The following UVRAG variants were observed in gnomAD, a reference collection of about 807,000 sequenced individuals.
The protein encoded by UVRAG is UV radiation resistance associated.
In UVRAG, 19 loss-of-function variants were observed where a neutral mutation model predicts 78.0. The observed-to-expected ratio is 0.24, with a 90% CI of 0.17 to 0.36. The LOEUF (loss-of-function observed/expected upper bound fraction) is 0.36, where lower values mean the gene tolerates loss of function less well. Among genes scored for constraint, UVRAG ranks in the 10% least tolerant of loss-of-function variants. The probability of loss-of-function intolerance (pLI) is 1.00; values close to 1 mark genes in which losing one functional copy is unlikely to be tolerated. For synonymous variants in UVRAG, 323 were observed against 324.6 expected, an observed-to-expected ratio of 1.00 and a Z score of 0.05; for missense variants, 740 against 853.8, an observed-to-expected ratio of 0.87 and a Z score of 1.66.
chr11:75,892,539 A>G (rs776409671), intron 5 of UVRAG: 19 of 444,542 alleles, frequency 4.3e-5, no homozygotes, highest in Non-Finnish European at 5.7e-5. Context: ...CAGAGAACTT[A>G]AGTAACTTTC....
intron 7 of UVRAG, among the ~76,000 whole-genome samples, chr11:75,978,009 G>A (rs1193080250): frequency 4.6e-5 from 7 of 152,098 alleles, no homozygotes; most frequent in Non-Finnish European, 7.3e-5. Context: ...GGCTGGTACC[G>A]GTTGTTCTTT....
At chr11:75,969,131 C>CT (rs1421218090) in intron 7 of UVRAG, among the ~76,000 whole-genome samples, 1 of 152,168 alleles carries the variant, frequency 6.6e-6, no homozygotes, top group African/African-American at 2.4e-5. Context: ...GCATTAAACA[C>CT]TAACTCCTCG....
intron 3 of UVRAG, among the ~76,000 whole-genome samples, chr11:75,872,021 T>A (rs560287401): frequency 6.6e-6 from 1 of 152,278 alleles, no homozygotes; most frequent in African/African-American, 2.4e-5. Flanking sequence ...AGTATTGGAG[T>A]CTTTTTAAAA....
intron 13 of UVRAG, among the ~76,000 whole-genome samples, chr11:76,092,065 A>G (rs1254421965): frequency 1.3e-5 from 2 of 150,870 alleles, no homozygotes; most frequent in African/African-American, 2.4e-5. Context: ...ATTCCCACCT[A>G]TGAGTGAGAA....
intron 12 of UVRAG, among the ~76,000 whole-genome samples, chr11:76,051,131 G>T (rs1388328589): frequency 1.3e-5 from 2 of 152,188 alleles, no homozygotes; most frequent in African/African-American, 4.8e-5. Context: ...ACATTGTGAA[G>T]TGTTGTCTTT....
chr11:75,839,280 T>C (rs936755812), intron 1 of UVRAG, among the ~76,000 whole-genome samples: 2 of 152,104 alleles, frequency 1.3e-5, no homozygotes, highest in African/African-American at 4.8e-5. Flanking sequence ...CCTTTGACTC[T>C]GCATAAGGTA....
At chr11:75,845,897 G>A (rs1349479066) in intron 1 of UVRAG, among the ~76,000 whole-genome samples, 1 of 152,016 alleles carries the variant, frequency 6.6e-6, no homozygotes, top group African/African-American at 2.4e-5. Flanking sequence ...AGGAAGTTAT[G>A]TCACAGACAT....
At position 75,848,973 on chromosome 11, in the gene UVRAG, G is replaced by A. The variant is rs537193056; in HGVS notation, c.118-2910G>A. Among the ~76,000 whole-genome samples the A allele has an allele frequency of 2.0e-5, 3 of 152,154 alleles. No homozygotes were observed. The East Asian group carries it at 5.8e-4, about 29-fold the overall frequency. On this transcript the variant is annotated intron_variant, in intron 1 of 14. Transcript: ENST00000356136. ...GCAGGTCGATCACCTGAGGTCAGGAGTTCGAGACCAGCCTGGCCAACATGG... is the reference window on the plus strand; with the variant it reads ...GCAGGTCGATCACCTGAGGTCAGGAATTCGAGACCAGCCTGGCCAACATGG...
At position 76,044,706 on chromosome 11, in the gene UVRAG, G is replaced by A. The variant is rs535523927; in HGVS notation, c.1227-21004G>A. On this transcript the variant is annotated intron_variant, in intron 12 of 14. Transcript: ENST00000356136. Reference sequence around the variant, plus strand: ...GGAGAATTGCTTGAACCTGGGAGACGGAGGCTGTAGTGAGCCGAGATTGTG... The same window carrying A: ...GGAGAATTGCTTGAACCTGGGAGACAGAGGCTGTAGTGAGCCGAGATTGTG... Among the ~76,000 whole-genome samples, 15 of 152,226 alleles carry A rather than the reference G, an allele frequency of 9.9e-5. No homozygotes were observed. In the South Asian group the frequency reaches 2.7e-3, roughly 27 times the overall value.
chr11:76,137,871 T>C, intron 14 of UVRAG: 1 of 158,340 alleles, frequency 6.3e-6, no homozygotes, highest in Non-Finnish European at 1.4e-5. Context: ...CACACCAGTG[T>C]ACTCTAGCCT....
chr11:75,824,603 T>G (rs1945469293), intron 1 of UVRAG, among the ~76,000 whole-genome samples: 1 of 152,084 alleles, frequency 6.6e-6, no homozygotes, highest in African/African-American at 2.4e-5. Flanking sequence ...CAAATGTGTA[T>G]TTTTGATAAG....
At chr11:75,942,789 G>A (rs899503822) in intron 6 of UVRAG, among the ~76,000 whole-genome samples, 15 of 152,248 alleles carry the variant, frequency 9.9e-5, no homozygotes, top group African/African-American at 3.4e-4. Flanking sequence ...AAGAATTAGT[G>A]TCAAGATAAA....
chr11:75,900,653 C>T (rs940804711), intron 5 of UVRAG, among the ~76,000 whole-genome samples: 2 of 152,150 alleles, frequency 1.3e-5, no homozygotes, highest in African/African-American at 4.8e-5. Flanking sequence ...ACGGCTACTT[C>T]AGCAGGGTTA....
chr11:75,861,586 C>T (rs374089444), intron 2 of UVRAG, among the ~76,000 whole-genome samples, 160 bp from the exon 3 acceptor site: 9 of 98,892 alleles, frequency 9.1e-5, no homozygotes, highest in African/African-American at 2.9e-4. Flanking sequence ...TGAATTTTTA[C>T]TTTTTTTTTT....
chr11:75,839,862 T>TAGAGAGAGAG (rs1555071898), intron 1 of UVRAG, among the ~76,000 whole-genome samples: 1 of 148,924 alleles, frequency 6.7e-6, no homozygotes, highest in South Asian at 2.1e-4. Flanking sequence ...CATATATATA[T>TAGAGAGAGAG]AGAGAGAGAG....
At chr11:76,093,322 G>T (rs1018170332) in intron 13 of UVRAG, among the ~76,000 whole-genome samples, 34 of 152,188 alleles carry the variant, frequency 2.2e-4, no homozygotes, top group Admixed American at 1.1e-3. Context: ...TTTCGCTCAG[G>T]ATTGTCTTGA....
intron 14 of UVRAG, among the ~76,000 whole-genome samples, chr11:76,119,721 A>G (rs1033223435): frequency 6.6e-6 from 1 of 152,114 alleles, no homozygotes; most frequent in East Asian, 1.9e-4. Context: ...CATCTCTGCT[A>G]TTGCCACTCC....
At chr11:75,855,311 C>T (rs1164047999) in intron 2 of UVRAG, among the ~76,000 whole-genome samples, 3 of 152,136 alleles carry the variant, frequency 2.0e-5, no homozygotes, top group Non-Finnish European at 2.9e-5. Context: ...CGGGGAAGTC[C>T]GGGGTCTGGT....
intron 9 of UVRAG, among the ~76,000 whole-genome samples, chr11:76,005,611 G>C (rs372280532): frequency 3.9e-5 from 6 of 152,186 alleles, no homozygotes; most frequent in Non-Finnish European, 7.3e-5. Context: ...TTCTCACTCT[G>C]TCTTCCTGCA....
Sources: gnomAD v4.1 joint callset for allele counts (sites outside exome capture counted in the v4.1 genomes callset) on GRCh38, gnomAD v4.1.1 for gene constraint, MANE v1.5 for transcripts, NCBI Gene and HGNC (gene_info 2026-07-23, HGNC 2026-07-21) for gene names.